The following CTBP2 variants were observed in gnomAD, a reference collection of about 807,000 sequenced individuals.
CTBP2 encodes C-terminal binding protein 2.
In CTBP2, 30 loss-of-function variants were observed where a neutral mutation model predicts 80.3. The ratio of observed to expected loss-of-function variants is 0.37; its 90% confidence interval spans 0.28 to 0.51. CTBP2 has a LOEUF of 0.51. CTBP2 is among the 20% of genes least tolerant of loss of function. CTBP2 has a pLI of 0.93. For missense variants in CTBP2, 1,212 were observed against 1,375.3 expected (o/e 0.88, Z 1.88); for synonymous variants, 594 against 587.4 (o/e 1.01, Z -0.16).
intron 1 of CTBP2, among the ~76,000 whole-genome samples, chr10:125,018,560 CAAACA>C (rs767886064): frequency 2.1e-4 from 28 of 132,256 alleles, no homozygotes; most frequent in Non-Finnish European, 2.5e-4. Flanking sequence ...AACCAACAAA[CAAACA>C]AACAAACAAA....
chr10:125,130,324 C>T (rs1344427212), intron 1 of CTBP2, among the ~76,000 whole-genome samples: 1 of 152,134 alleles, frequency 6.6e-6, no homozygotes, highest in Non-Finnish European at 1.5e-5. Context: ...GCAGGGATTA[C>T]AGGTGTGAGC....
intron 1 of CTBP2, among the ~76,000 whole-genome samples, chr10:125,021,392 A>G (rs1164500220): frequency 6.6e-6 from 1 of 152,192 alleles, no homozygotes; most frequent in Non-Finnish European, 1.5e-5. Context: ...CATGCATTCA[A>G]CTACTTTATG....
At chr10:125,047,130 A>T (rs1961458127) in intron 2 of CTBP2, among the ~76,000 whole-genome samples, 1 of 152,182 alleles carries the variant, frequency 6.6e-6, no homozygotes, top group Admixed American at 6.6e-5. Flanking sequence ...ACTGTATATT[A>T]GTTTTAATAG....
At chr10:125,034,694 C>T (rs1215005048) in intron 3 of CTBP2, among the ~76,000 whole-genome samples, 1 of 152,052 alleles carries the variant, frequency 6.6e-6, no homozygotes, top group East Asian at 1.9e-4. Flanking sequence ...TTTAAAAAAA[C>T]AAACAAAAAC....
chr10:125,158,881 G>A (rs1256921838), intron 1 of CTBP2, among the ~76,000 whole-genome samples: 1 of 152,056 alleles, frequency 6.6e-6, no homozygotes, highest in Non-Finnish European at 1.5e-5. Context: ...CGTCGTCGCC[G>A]GCGGAAAGCG....
In CTBP2 at chr10:125,011,840, G is replaced by A. The variant is rs1322223014; in HGVS notation, c.1679-8348C>T. 2.6e-5 allele frequency among the ~76,000 whole-genome samples: 4 copies of A among 152,244 alleles called. No homozygotes were observed. The South Asian group carries it at 8.3e-4, about 31-fold the overall frequency. ...AGAGTGATGTTAGGTGCTTGAAAGT[G>A]TTTTTAGGCACTGGTGGCTTTTTGG... On this transcript the variant is annotated intron_variant, in intron 1 of 8. Transcript: ENST00000309035.
chr10:124,990,599 C>A (rs888101433), intron 8 of CTBP2, among the ~76,000 whole-genome samples: 30 of 152,334 alleles, frequency 2.0e-4, no homozygotes, highest in African/African-American at 7.0e-4. Context: ...TTACTTCTGA[C>A]TGATAAAATG....
intron 2 of CTBP2, among the ~76,000 whole-genome samples, chr10:125,046,283 T>C (rs1444654886): frequency 6.6e-6 from 1 of 152,122 alleles, no homozygotes; most frequent in African/African-American, 2.4e-5. Context: ...ATACCTGTAA[T>C]CCTAGCACAC....
chr10:125,084,669 C>T lies in CTBP2; in HGVS notation c.-102+26321G>A, dbSNP rs925843054. 5.3e-5 allele frequency among the ~76,000 whole-genome samples: 8 copies of T among 152,310 alleles called. 1 individual carries two copies. In the Middle Eastern group the frequency reaches 0.017, roughly 324 times the overall value. The stretch of plus-strand genomic sequence containing the variant: ...TGAAGCACTCAGAAGCACAGCCCTT[C>T]TCCTTGCCCGTTCTGTGTCCCCTGG... On this transcript the variant is annotated intron_variant, in intron 2 of 10. Transcript: ENST00000337195.
chr10:125,064,218 C>G (rs1170550119), intron 2 of CTBP2, among the ~76,000 whole-genome samples: 1 of 152,208 alleles, frequency 6.6e-6, no homozygotes, highest in Non-Finnish European at 1.5e-5. Flanking sequence ...GCCGGGACAT[C>G]CCTATCATTT....
intron 1 of CTBP2, chr10:125,005,562 A>G: frequency 5.0e-6 from 8 of 1,611,536 alleles, no homozygotes; most frequent in South Asian, 1.1e-5. Flanking sequence ...CACGACCTGT[A>G]TGAGTGGACA....
chr10:125,034,738 A>C (rs7097997), intron 3 of CTBP2, among the ~76,000 whole-genome samples: 1 of 152,232 alleles, frequency 6.6e-6, no homozygotes, highest in African/African-American at 2.4e-5. Context: ...GCATCTGTAC[A>C]AAGATAGGTG....
intron 2 of CTBP2, among the ~76,000 whole-genome samples, chr10:125,059,523 A>G (rs1405238874): frequency 8.5e-5 from 13 of 152,182 alleles, no homozygotes; most frequent in Non-Finnish European, 1.9e-4. Flanking sequence ...TGGAGGTTGC[A>G]GTGAGCAGAG....
intron 1 of CTBP2, among the ~76,000 whole-genome samples, chr10:125,122,263 G>C (rs761851476): frequency 3.9e-5 from 6 of 152,224 alleles, no homozygotes; most frequent in African/African-American, 1.4e-4. Context: ...CAGCATGGAT[G>C]TTCATGAGGG....
At chr10:125,080,229 G>A (rs1178208455) in intron 2 of CTBP2, among the ~76,000 whole-genome samples, 2 of 152,072 alleles carry the variant, frequency 1.3e-5, no homozygotes, top group Non-Finnish European at 2.9e-5. Context: ...CTTGACTTAG[G>A]GGAACAGCAG....
intron 3 of CTBP2, among the ~76,000 whole-genome samples, chr10:125,002,461 C>A (rs1277482124): frequency 1.3e-5 from 2 of 152,236 alleles, no homozygotes; most frequent in African/African-American, 4.8e-5. Context: ...GGCAGGGGCC[C>A]ACCTGCTTTG....
chr10:124,994,291 T>G (rs1169694877), intron 5 of CTBP2, among the ~76,000 whole-genome samples, 178 bp downstream of exon 7: 1 of 152,252 alleles, frequency 6.6e-6, no homozygotes, highest in Non-Finnish European at 1.5e-5. Context: ...CTGCTTAGCC[T>G]GGCTCAGCCC....
chr10:125,049,427 C>A (rs999352825), intron 2 of CTBP2, among the ~76,000 whole-genome samples: 1 of 152,214 alleles, frequency 6.6e-6, no homozygotes, highest in African/African-American at 2.4e-5. Flanking sequence ...GGGGAGCCCC[C>A]ACCTGAGCTC....
At chr10:125,114,520 C>T (rs1051643349) in intron 1 of CTBP2, among the ~76,000 whole-genome samples, 12 of 152,046 alleles carry the variant, frequency 7.9e-5, no homozygotes, top group Non-Finnish European at 1.6e-4. Flanking sequence ...GGACCCCCTA[C>T]CCCACCGCCA....
Sources: gnomAD v4.1 joint callset for allele counts (sites outside exome capture counted in the v4.1 genomes callset) on GRCh38, gnomAD v4.1.1 for gene constraint, MANE v1.5 for transcripts, NCBI Gene and HGNC (gene_info 2026-07-23, HGNC 2026-07-21) for gene names.